CLASP1: variants seen among roughly 807,000 people sequenced by gnomAD.
CLASP1 encodes the protein CLIP-associating protein 1.
CLASP1 carries 38 observed loss-of-function variants against 192.3 expected under a neutral mutation model. That is an observed-to-expected ratio of 0.20 (90% CI 0.15 to 0.26). CLASP1 has a LOEUF of 0.26. Among genes scored for constraint, CLASP1 ranks in the 10% least tolerant of loss-of-function variants. CLASP1 has a pLI of 1.00. For missense variants in CLASP1, 1,433 were observed against 1,932.5 expected, an observed-to-expected ratio of 0.74 and a Z score of 4.85; for synonymous variants, 691 against 712.8, an observed-to-expected ratio of 0.97 and a Z score of 0.49.
intron 8 of CLASP1, among the ~76,000 whole-genome samples, chr2:121,473,709 C>G (rs1403292848): frequency 6.6e-6 from 1 of 152,156 alleles, no homozygotes; most frequent in Non-Finnish European, 1.5e-5. Flanking sequence ...CAGACAAGAG[C>G]AGCCAGGGGA....
intron 1 of CLASP1, among the ~76,000 whole-genome samples, chr2:121,622,658 T>C (rs934274512): frequency 6.6e-6 from 1 of 152,176 alleles, no homozygotes; most frequent in African/African-American, 2.4e-5. Flanking sequence ...GTGAATGGAA[T>C]TGTTCCCTTG....
chr2:121,514,473 C>T (rs144666935), intron 7 of CLASP1, among the ~76,000 whole-genome samples: 390 of 151,188 alleles, frequency 2.6e-3, no homozygotes, highest in Admixed American at 3.6e-3. Context: ...ATTCAAAGAC[C>T]AGAAGGCTGA....
intron 32 of CLASP1, among the ~76,000 whole-genome samples, chr2:121,382,952 G>T (rs962141268): frequency 1.3e-5 from 2 of 152,222 alleles, no homozygotes; most frequent in Non-Finnish European, 2.9e-5. Flanking sequence ...CAGCTGGGCA[G>T]CTCAGAGTGC....
At chr2:121,610,455 A>G (rs2065132785) in intron 1 of CLASP1, among the ~76,000 whole-genome samples, 1 of 118,496 alleles carries the variant, frequency 8.4e-6, no homozygotes, top group South Asian at 3.1e-4. Context: ...AGGAAGAGGA[A>G]CTAGAGGAGG....
rs949641745 is a variant in CLASP1, at chr2:121,530,994, C to T, written c.196-669G>A. The T allele has an allele frequency of 8.6e-5, 60 of 700,194 alleles. No individual in the cohort carries two copies. The highest frequency in any genetic ancestry group is 1.2e-4 in the African/African-American group (7 of 57,250). 43.4% of individuals were successfully genotyped at this position (700,194 alleles called of 1,614,324 possible). On this transcript the variant is annotated intron_variant, in intron 2 of 39. Transcript: ENST00000263710. ...CTAGAGCTTTTGCTTTATTTTGGTG[C>T]AATTTTTGGAAAAATGAAAACCTGT... is the stretch of plus-strand genomic sequence containing the variant.
At chr2:121,532,673 A>C (rs2094926693) in intron 2 of CLASP1, 1 of 152,222 alleles carries the variant, frequency 6.6e-6, no homozygotes, top group South Asian at 2.1e-4. Context: ...GCCAAGGGAA[A>C]CATAACAACT....
At chr2:121,485,435 T>C (rs1466007157) in intron 8 of CLASP1, among the ~76,000 whole-genome samples, 1 of 152,206 alleles carries the variant, frequency 6.6e-6, no homozygotes, top group African/African-American at 2.4e-5. Flanking sequence ...CTGAATATAG[T>C]AAGCCAAGCT....
intron 34 of CLASP1, among the ~76,000 whole-genome samples, chr2:121,369,847 TGTTGA>T (rs1332287620): frequency 1.3e-5 from 2 of 152,258 alleles, no homozygotes; most frequent in African/African-American, 4.8e-5. Context: ...TTTTTTCTTC[TGTTGA>T]GTTCTTTCTT....
At chr2:121,376,561 A>T (rs1196515502) in intron 34 of CLASP1, among the ~76,000 whole-genome samples, 1 of 152,038 alleles carries the variant, frequency 6.6e-6, no homozygotes, top group Non-Finnish European at 1.5e-5. Context: ...AGGCTGGTTA[A>T]TAGCTGCAAA....
chr2:121,493,805 C>T (rs568117334), intron 8 of CLASP1, among the ~76,000 whole-genome samples: 54 of 151,976 alleles, frequency 3.6e-4, no homozygotes, highest in Admixed American at 9.8e-4. Flanking sequence ...AGACATTTTT[C>T]GAAAGAAGAC....
At chr2:121,503,107 C>T (rs946530085) in intron 8 of CLASP1, 60 bp downstream of exon 8, 32 of 1,062,276 alleles carry the variant, frequency 3.0e-5, no homozygotes, top group Middle Eastern at 2.7e-4. Flanking sequence ...TCACATATAA[C>T]ATAAATGATG....
chr2:121,637,266 A>AGAGGAGAGGTTGAGAGAATAGAAAAT (rs1253146210), intron 1 of CLASP1, among the ~76,000 whole-genome samples: 3 of 152,240 alleles, frequency 2.0e-5, no homozygotes, highest in African/African-American at 7.2e-5. Context: ...AAATAAGGAA[A>AGAGGAGAGGTTGAGAGAATAGAAAAT]GAGGAGAGGT....
chr2:121,603,295 T>C (rs910211640), intron 2 of CLASP1: 5 of 151,868 alleles, frequency 3.3e-5, no homozygotes, highest in African/African-American at 1.2e-4. Context: ...AAGGAAGACA[T>C]ACCAATGGCC....
rs557122315 is a variant in CLASP1 at position 121,447,546 on chromosome 2, T to C, written c.1742-39A>G. ...GGAGGAAATATGAATAAGGACTACA[T>C]AGAATTTTGAAAATACATTGCTAAA... is the stretch of plus-strand genomic sequence containing the variant. On this transcript the variant is annotated intron_variant, in intron 18 of 39. Transcript: ENST00000263710. 234 of 1,472,612 alleles carry C rather than the reference T, an allele frequency of 1.6e-4. 1 individual carries two copies. The South Asian group carries it at 2.8e-3, about 18-fold the overall frequency. 91.2% of individuals were successfully genotyped at this position (1,472,612 alleles called of 1,614,324 possible). A position where few individuals can be genotyped will look rare whatever the true frequency, so the allele number is the denominator to read the frequency against.
rs369223888 is a variant in CLASP1 at position 121,348,623 on chromosome 2, G to A, written c.4302C>T (p.Ala1434=). The A allele has an allele frequency of 3.5e-5, 56 of 1,613,766 alleles. No homozygotes were observed. The Middle Eastern group carries it at 8.2e-4, about 24-fold the overall frequency. Residue 1434 remains alanine (A), a synonymous_variant, in exon 38 of 40, where the codon GCC becomes GCT. Coordinates refer to ENST00000263710, the Ensembl canonical transcript of CLASP1. ...TGGCAGCAAGGTTGATGGGGTAGTC[G>A]GCCGTCTGGATGATGGGGCAGAGCA...
chr2:121,611,522 A>T (rs1367803836), intron 1 of CLASP1, among the ~76,000 whole-genome samples: 8 of 116,214 alleles, frequency 6.9e-5, no homozygotes, highest in East Asian at 2.9e-4. Flanking sequence ...GAGGAGGAGG[A>T]GTTGGAGGAG....
chr2:121,462,648 G>T, intron 9 of CLASP1, 43 bp from the exon 10 acceptor site: 1 of 1,131,880 alleles, frequency 8.8e-7, no homozygotes, highest in Non-Finnish European at 1.3e-6. Flanking sequence ...ATGAAACAAC[G>T]TCTATAACAC....
intron 8 of CLASP1, among the ~76,000 whole-genome samples, chr2:121,487,862 C>T (rs1421186199): frequency 6.6e-6 from 1 of 152,202 alleles, no homozygotes; most frequent in Non-Finnish European, 1.5e-5. Flanking sequence ...TTGTTTACAT[C>T]GTATGGATCA....
At chr2:121,524,754 C>G (rs570287819) in intron 6 of CLASP1, among the ~76,000 whole-genome samples, 1 of 152,052 alleles carries the variant, frequency 6.6e-6, no homozygotes, top group African/African-American at 2.4e-5. Context: ...ACCACGTGCC[C>G]GGCCTAATGC....
Sources: allele counts gnomAD v4.1 joint callset (sites outside exome capture counted in the v4.1 genomes callset), GRCh38; gene constraint gnomAD v4.1.1; transcripts MANE v1.5; gene names NCBI Gene and HGNC (gene_info 2026-07-23, HGNC 2026-07-21).